Variants in LIPK observed in about 807,000 individuals in gnomAD.
LIPK encodes the protein lipase member K.
LIPK carries 32 observed loss-of-function variants against 48.6 expected under a neutral mutation model. The observed-to-expected ratio is 0.66, with a 90% CI of 0.50 to 0.88. The LOEUF is 0.88. Ranked by LOEUF, LIPK falls within the 40% of genes least tolerant of loss-of-function variation. LIPK has a pLI of 0.00. For synonymous variants in LIPK, 164 were observed against 157.4 expected (o/e 1.04, Z -0.32); for missense variants, 507 against 478.5 (o/e 1.06, Z -0.56).
At chr10:88,724,174 G>A (rs426110) in intron 1 of LIPK, among the ~76,000 whole-genome samples, 118,206 of 152,092 alleles carry the variant, frequency 0.78, 46,923 homozygotes, top group East Asian at 1. Context: ...AACCAATCTA[G>A]TAACTAGAGA....
intron 9 of LIPK, among the ~76,000 whole-genome samples, chr10:88,743,597 C>G (rs1029068333): frequency 2.6e-5 from 4 of 152,014 alleles, no homozygotes; most frequent in Non-Finnish European, 5.9e-5. Context: ...CAACCAGAGA[C>G]AGGGGCTCAA....
At chr10:88,725,671 A>G (rs892877717) in intron 2 of LIPK, among the ~76,000 whole-genome samples, 4 of 152,218 alleles carry the variant, frequency 2.6e-5, no homozygotes, top group African/African-American at 9.6e-5. Context: ...AGTTCTCTCA[A>G]CTGTAAATGG....
intron 1 of LIPK, among the ~76,000 whole-genome samples, chr10:88,711,526 G>A (rs1842027019): frequency 6.6e-6 from 1 of 152,180 alleles, no homozygotes; most frequent in Non-Finnish European, 1.5e-5. Flanking sequence ...AGGCTGGAGT[G>A]CAGTGGCACA....
At chr10:88,732,799 CAGAT>C (rs1346320935) in intron 6 of LIPK, among the ~76,000 whole-genome samples, 1 of 152,214 alleles carries the variant, frequency 6.6e-6, no homozygotes, top group African/African-American at 2.4e-5. Flanking sequence ...TCCTCAACCA[CAGAT>C]AGAGAGAACT....
intron 6 of LIPK, among the ~76,000 whole-genome samples, chr10:88,734,944 CT>C (rs989361892): frequency 3.5e-4 from 54 of 152,304 alleles, no homozygotes; most frequent in African/African-American, 1.1e-3. Flanking sequence ...TTTATGGGAG[CT>C]TCTGGACTGA....
intron 7 of LIPK, 53 bp from the exon 8 acceptor site, chr10:88,739,943 C>T: frequency 9.4e-7 from 1 of 1,068,780 alleles, no homozygotes; most frequent in Non-Finnish European, 1.4e-6. Context: ...CAAATGTTTA[C>T]TTGTGGTATG....
chr10:88,750,630 T>C (rs1034774721), intron 9 of LIPK, among the ~76,000 whole-genome samples: 1 of 152,012 alleles, frequency 6.6e-6, no homozygotes, highest in Non-Finnish European at 1.5e-5. Flanking sequence ...AGGGGAACAA[T>C]AGACACTGGG....
rs556359059 is a variant in LIPK, at chr10:88,720,241, C to T, written c.-11-4292C>T. ...GAAAGAGACATTTCCAATTTTTGCC[C>T]ACTTATTTTAGCCTTTCCTTCATTA... On this transcript the variant is annotated intron_variant, in intron 1 of 9. Coordinates refer to ENST00000404190, the MANE Select transcript of LIPK (RefSeq NM_001080518.2). 2.5e-4 allele frequency among the ~76,000 whole-genome samples: 38 copies of T among 152,178 alleles called. 1 individual carries two copies. The South Asian group carries it at 7.9e-3, about 32-fold the overall frequency.
At chr10:88,728,529 G>A in intron 3 of LIPK, 1 of 322,450 alleles carries the variant, frequency 3.1e-6, no homozygotes, top group Non-Finnish European at 6.2e-6. Context: ...TGAGCCTGCA[G>A]AGCTGGAGGC....
rs1282298925 is a variant in LIPK, at chr10:88,737,667, T to C, written c.702T>C (p.His234=). 6 of 1,613,900 alleles carry C rather than the reference T, an allele frequency of 3.7e-6. No homozygotes were observed. The highest frequency in any genetic ancestry group is 1.7e-5 in the Admixed American group (1 of 60,018). ...VLFGDKMFHP[H]TLFDQFIATK... ...TTGGTGACAAAATGTTCCACCCTCA[T>C]ACATTGTTTGACCAATTCATTGCCA... is the stretch of plus-strand genomic sequence containing the variant. Residue 234 remains histidine, a synonymous_variant, in exon 7 of 10, where the codon CAT becomes CAC. Transcript: ENST00000404190.
At chr10:88,728,194 A>G (rs1842383773) in intron 3 of LIPK, 1 of 200,444 alleles carries the variant, frequency 5.0e-6, no homozygotes, top group Non-Finnish European at 1.0e-5. Flanking sequence ...AAGATCCGTG[A>G]GCTGCAGTCC....
At chr10:88,737,399 G>A (rs1249678560) in intron 6 of LIPK, among the ~76,000 whole-genome samples, 1 of 152,068 alleles carries the variant, frequency 6.6e-6, no homozygotes, top group Admixed American at 6.6e-5. Context: ...TTTCCTGTGG[G>A]AACTAGTTTC....
intron 9 of LIPK, among the ~76,000 whole-genome samples, chr10:88,746,196 A>C (rs1285738634): frequency 6.6e-6 from 1 of 152,174 alleles, no homozygotes; most frequent in African/African-American, 2.4e-5. Flanking sequence ...TCAACACCCC[A>C]CTGACAGTAC....
Position 88,743,304 on chromosome 10 carries a change from A to G in LIPK, c.943A>G (p.Met315Val). 1 of 1,592,198 alleles carries G rather than the reference A, an allele frequency of 6.3e-7. No homozygotes were observed. The highest frequency in any genetic ancestry group is 8.6e-7 in the Non-Finnish European group (1 of 1,167,206). The stretch of plus-strand genomic sequence containing the variant: ...TGATTGGGGAAACTCTGATCAGAAC[A>G]TGATGCACTTCCATCAGGTACAAAA... ...AFDWGNSDQN[M>V]MHFHQLTPPL... The change falls in exon 9 of 10, where the codon ATG (methionine) becomes GTG (valine). Residue 315 changes from methionine (M) to valine (V), a missense_variant. Transcript: ENST00000404190.
At chr10:88,735,925 G>C (rs2134753852) in intron 6 of LIPK, among the ~76,000 whole-genome samples, 1 of 152,318 alleles carries the variant, frequency 6.6e-6, no homozygotes, top group South Asian at 2.1e-4. Flanking sequence ...ACAGGATATT[G>C]AGGTAGAATG....
intron 1 of LIPK, among the ~76,000 whole-genome samples, chr10:88,723,776 T>C (rs965260484): frequency 5.9e-5 from 9 of 151,822 alleles, no homozygotes; most frequent in Non-Finnish European, 1.3e-4. Flanking sequence ...ATGTTTAGGT[T>C]TTTTTTTTCT....
Position 88,706,960 on chromosome 10 carries a change from T to A in LIPK, c.-12+640T>A, listed in dbSNP as rs553365072. Among the ~76,000 whole-genome samples, 23 of 152,236 alleles carry A rather than the reference T, an allele frequency of 1.5e-4. No homozygotes were observed. The South Asian group carries it at 4.8e-3, about 32-fold the overall frequency. On this transcript the variant is annotated intron_variant, in intron 1 of 9. Transcript: ENST00000404190. Reference sequence around the variant, plus strand: ...GATATTTAAGAGTATCATGCTCCTGTCACCCTTTAAATTGCAGACCTGATT... The same window carrying A: ...GATATTTAAGAGTATCATGCTCCTGACACCCTTTAAATTGCAGACCTGATT...
chr10:88,728,012 T>G, intron 3 of LIPK: 1 of 368,848 alleles, frequency 2.7e-6, no homozygotes, highest in Non-Finnish European at 5.4e-6. Context: ...GAGGTGGAGC[T>G]TGACAACATG....
intron 3 of LIPK, among the ~76,000 whole-genome samples, chr10:88,729,170 C>A (rs1455686298): frequency 7.2e-6 from 1 of 139,722 alleles, no homozygotes; most frequent in African/African-American, 2.7e-5. Context: ...GCAAAAAAGA[C>A]CCTATTAGTT....
Sources: gnomAD v4.1 joint callset for allele counts (sites outside exome capture counted in the v4.1 genomes callset) on GRCh38, gnomAD v4.1.1 for gene constraint, MANE v1.5 for transcripts, NCBI Gene and HGNC (gene_info 2026-07-23, HGNC 2026-07-21) for gene names.